Variants in BRAP observed in about 807,000 individuals in gnomAD.
BRAP encodes BRCA1-associated protein.
A neutral mutation model predicts 73.4 loss-of-function variants in BRAP; 42 were observed. That is an observed-to-expected ratio of 0.57 (90% confidence interval 0.45 to 0.74). The LOEUF (loss-of-function observed/expected upper bound fraction) is 0.74, where lower values mean the gene tolerates loss of function less well. Among genes scored for constraint, BRAP ranks in the 30% least tolerant of loss-of-function variants. The pLI is 0.00. For missense variants in BRAP, 593 were observed against 751.4 expected (o/e 0.79, Z 2.46); for synonymous variants, 255 against 267.4 (o/e 0.95, Z 0.45).
At chr12:111,660,004 T>C (rs1886686080) in intron 7 of BRAP, among the ~76,000 whole-genome samples, 1 of 150,236 alleles carries the variant, frequency 6.7e-6, no homozygotes, top group African/African-American at 2.5e-5. Flanking sequence ...AGCCCAGGTA[T>C]TTGAGGTTAC....
chr12:111,671,390 AAAT>A (rs1451544119), intron 5 of BRAP, among the ~76,000 whole-genome samples: 2 of 151,940 alleles, frequency 1.3e-5, no homozygotes, highest in Non-Finnish European at 2.9e-5. Context: ...TCTCCACTAA[AAAT>A]AAAAAAATTA....
chr12:111,684,188 C>T (rs992046666), intron 1 of BRAP, among the ~76,000 whole-genome samples: 6 of 152,194 alleles, frequency 3.9e-5, no homozygotes, highest in African/African-American at 1.4e-4. Flanking sequence ...GTTTTGCCCA[C>T]CACTGTATTC....
intron 4 of BRAP, among the ~76,000 whole-genome samples, chr12:111,674,654 G>A (rs564559669): frequency 2.0e-5 from 3 of 152,290 alleles, no homozygotes; most frequent in Middle Eastern, 3.4e-3. Context: ...GGGGTGGAGA[G>A]GCTTTACTTA....
intron 9 of BRAP, among the ~76,000 whole-genome samples, chr12:111,656,034 C>G (rs927725710): frequency 1.3e-5 from 2 of 152,176 alleles, no homozygotes; most frequent in Non-Finnish European, 2.9e-5. Flanking sequence ...TCAGGCACCC[C>G]CTGACTGATA....
At chr12:111,662,544 C>G (rs1470780983) in intron 6 of BRAP, among the ~76,000 whole-genome samples, 1 of 151,288 alleles carries the variant, frequency 6.6e-6, no homozygotes, top group Admixed American at 6.6e-5. Flanking sequence ...GAGCGAAACT[C>G]CGTCTAAAAA....
intron 10 of BRAP, among the ~76,000 whole-genome samples, chr12:111,653,046 A>C (rs1886387903): frequency 6.6e-6 from 1 of 152,092 alleles, no homozygotes; most frequent in African/African-American, 2.4e-5. Flanking sequence ...TTTTTAAATC[A>C]GCCAGGCACA....
Position 111,659,319 on chromosome 12 carries a change from G to A in BRAP, c.999C>T (p.Gly333=). The change falls in exon 8 of 12, where the codon GGC becomes GGT. Residue 333 remains glycine (G), a synonymous_variant. Transcript: ENST00000419234. ...TGACATACCGTCCACATCCTATGTG[G>A]CCGCATATTAAACAAATCCAAAGAT... is the stretch of plus-strand genomic sequence containing the variant. ...QENLWICLIC[G]HIGCGRYVSR... is the part of the protein sequence containing the mutation. 1 of 1,613,306 alleles carries A rather than the reference G, an allele frequency of 6.2e-7. No homozygotes were observed. The highest frequency in any genetic ancestry group is 2.2e-5 in the East Asian group (1 of 44,880).
chr12:111,673,401 G>C (rs1887252048), intron 4 of BRAP: 1 of 152,196 alleles, frequency 6.6e-6, no homozygotes, highest in African/African-American at 2.4e-5. Context: ...CTACTCGGGA[G>C]GCTGAGGCAG....
chr12:111,660,637 A>G lies in BRAP; in HGVS notation c.935T>C (p.Val312Ala). 1 of 1,608,044 alleles carries G rather than the reference A, an allele frequency of 6.2e-7. No homozygotes were observed. The highest frequency in any genetic ancestry group is 1.1e-5 in the South Asian group (1 of 90,178). The change falls in exon 7 of 12, where the codon GTA becomes GCA. Residue 312 changes from valine to alanine, a missense_variant. Val to Ala is a moderately conservative substitution (Grantham distance 64). This residue lies in a region of BRAP where 67 missense variants were observed against 158.0 expected (regional missense o/e 0.42). Coordinates refer to ENST00000419234, the MANE Select transcript of BRAP (RefSeq NM_006768.5). ...ACACTCAAAACACTTATTTTCTTCT[A>G]CTGGCTCGGGCGTTTGACAGTACCG... ...VCRYCQTPEP[V>A]EENKCFECGV...
intron 7 of BRAP, among the ~76,000 whole-genome samples, chr12:111,660,160 T>G (rs1299919698): frequency 6.6e-6 from 1 of 151,704 alleles, no homozygotes; most frequent in African/African-American, 2.4e-5. Context: ...CAATCAAGGA[T>G]GCTTTTATGG....
At chr12:111,656,480 T>C (rs1886537516) in intron 9 of BRAP, among the ~76,000 whole-genome samples, 1 of 152,136 alleles carries the variant, frequency 6.6e-6, no homozygotes, top group African/African-American at 2.4e-5. Context: ...TGGAAGGCTT[T>C]GGGGTATTAT....
intron 11 of BRAP, among the ~76,000 whole-genome samples, chr12:111,648,742 C>T (rs543658376): frequency 5.3e-5 from 8 of 151,810 alleles, no homozygotes; most frequent in East Asian, 1.9e-4. Flanking sequence ...CTGGCTAACA[C>T]GGTGAAACCC....
At chr12:111,659,923 A>T (rs569452124) in intron 7 of BRAP, among the ~76,000 whole-genome samples, 10 of 151,894 alleles carry the variant, frequency 6.6e-5, no homozygotes, top group African/African-American at 2.4e-4. Context: ...ACAAAACAAA[A>T]CCTACTAGGC....
At chr12:111,667,716 A>AAAAAAAAAAAAAAAAAAAAAC (rs1887005585) in intron 5 of BRAP, among the ~76,000 whole-genome samples, 1 of 147,250 alleles carries the variant, frequency 6.8e-6, no homozygotes, top group Non-Finnish European at 1.5e-5. Flanking sequence ...AAAAAAAAAA[A>AAAAAAAAAAAAAAAAAAAAAC]AAAAAGCTCA....
At chr12:111,685,492 A>C in intron 1 of BRAP, 1 of 1,124,822 alleles carries the variant, frequency 8.9e-7, no homozygotes, top group East Asian at 3.3e-5. Flanking sequence ...ATGCCCTCAG[A>C]CGGCACAGGG....
intron 3 of BRAP, among the ~76,000 whole-genome samples, chr12:111,679,957 T>TA (rs1251155444): frequency 1.3e-5 from 2 of 148,416 alleles, no homozygotes; most frequent in Non-Finnish European, 3.0e-5. Flanking sequence ...TTAAAAGGCC[T>TA]AAAAAAACAG....
At position 111,659,179 on chromosome 12, in the gene BRAP, C is replaced by A. The variant is rs544076084; in HGVS notation, c.1111+28G>T. On this transcript the variant is annotated intron_variant, in intron 8 of 11. Transcript: ENST00000419234. ...GGCAAAGTTTCCACACAGAATGAGT[C>A]CAAATTAGAAAAGAGAGTGGTATTC... 6.7e-5 allele frequency: 108 copies of A among 1,606,364 alleles called. 1 individual carries two copies. The South Asian group carries it at 1.0e-3, about 15-fold the overall frequency.
chr12:111,680,682 A>T (rs1397743699), intron 3 of BRAP, among the ~76,000 whole-genome samples: 1 of 151,614 alleles, frequency 6.6e-6, no homozygotes, highest in African/African-American at 2.4e-5. Context: ...ATGGAGTGAG[A>T]CCCTGTCTCA....
In BRAP at chr12:111,650,004, C is replaced by T. The variant is rs978063686; in HGVS notation, c.1350G>A (p.Glu450=). The change falls in exon 11 of 12, where the codon GAG becomes GAA. Residue 450 remains glutamate, a synonymous_variant. Transcript: ENST00000419234. The part of the protein sequence containing the change: ...NMKTKFKETI[E]KCDNLEHKLN... ...GTTTGTGCTCTAGATTATCACACTT[C>T]TCAATTGTTTCTTTAAACTTGGTCT... 1.2e-6 allele frequency: 2 copies of T among 1,611,552 alleles called. No homozygotes were observed. The highest frequency in any genetic ancestry group is 1.3e-5 in the African/African-American group (1 of 74,868).
Sources: gnomAD v4.1 joint callset for allele counts (sites outside exome capture counted in the v4.1 genomes callset) on GRCh38, gnomAD v4.1.1 for gene constraint, gnomAD v4.1.1 regional missense constraint, MANE v1.5 for transcripts, NCBI Gene and HGNC (gene_info 2026-07-23, HGNC 2026-07-21) for gene names.